Variants in LTN1 observed in about 807,000 individuals in gnomAD.
LTN1 encodes the protein listerin E3 ubiquitin protein ligase 1.
Under a neutral mutation model 201.2 loss-of-function variants are expected in LTN1, and 88 were observed. That is an observed-to-expected ratio of 0.44 (90% CI 0.37 to 0.52). The LOEUF (loss-of-function observed/expected upper bound fraction) is 0.52. Ranked by LOEUF, LTN1 falls within the 20% of genes least tolerant of loss-of-function variation. The pLI, the probability that LTN1 is intolerant of heterozygous loss-of-function variation, is 0.00. For synonymous variants in LTN1, 645 were observed against 713.5 expected, an observed-to-expected ratio of 0.90 and a Z score of 1.53; for missense variants, 1,752 against 2,038.7, an observed-to-expected ratio of 0.86 and a Z score of 2.71.
At chr21:28,939,886 C>A (rs2084284007) in intron 25 of LTN1, among the ~76,000 whole-genome samples, 1 of 152,020 alleles carries the variant, frequency 6.6e-6, no homozygotes, top group African/African-American at 2.4e-5. Flanking sequence ...AAGTGACAGG[C>A]CTAAAGAGAA....
chr21:28,958,496 T>G lies in LTN1; in HGVS notation c.2637A>C (p.Val879=), dbSNP rs750400781. ...TGTCAGTTTGATGAACCAATAAATT[T>G]ACACCAGAGAGCCAAGTATTTTTCA... ...CKLKNTWLSG[V]NLLVHQTDSS... is the part of the protein sequence containing the mutation. Residue 879 remains valine (V), a synonymous_variant, in exon 14 of 30, where the codon GTA becomes GTC. Transcript: ENST00000361371. 1.2e-6 allele frequency: 2 copies of G among 1,610,714 alleles called. No homozygotes were observed. The highest frequency in any genetic ancestry group is 3.4e-5 in the Admixed American group (2 of 59,402).
chr21:28,976,996 C>T (rs1213361320), intron 6 of LTN1, among the ~76,000 whole-genome samples: 1 of 152,188 alleles, frequency 6.6e-6, no homozygotes, highest in Non-Finnish European at 1.5e-5. Flanking sequence ...CTCAAGTCAT[C>T]CTCCCACCTT....
chr21:28,957,758 C>T (rs1007170695), intron 14 of LTN1, among the ~76,000 whole-genome samples: 1 of 152,024 alleles, frequency 6.6e-6, no homozygotes, highest in African/African-American at 2.4e-5. Context: ...AATACAGCTA[C>T]CTTATGAAAT....
At chr21:28,990,050 T>C (rs1350117187) in intron 1 of LTN1, among the ~76,000 whole-genome samples, 1 of 152,158 alleles carries the variant, frequency 6.6e-6, no homozygotes, top group East Asian at 1.9e-4. Context: ...TTTCTCTACC[T>C]GAAAACGCTT....
chr21:28,986,928 T>C lies in LTN1; in HGVS notation c.49A>G (p.Asn17Asp), dbSNP rs1232888917. 1 of 1,613,116 alleles carries C rather than the reference T, an allele frequency of 6.2e-7. No homozygotes were observed. The highest frequency in any genetic ancestry group is 2.2e-5 in the East Asian group (1 of 44,876). ...QRTKGNLRPS[N>D]SGRAAELLAK... ...AGGAGTTCTGCAGCTCGGCCACTGT[T>C]TGAAGGCTGATAAGAAAATTACGGA... The change falls in exon 2 of 30, where the codon AAC becomes GAC. Residue 17 changes from asparagine to aspartate, a missense_variant. By Grantham distance (23) the Asn-to-Asp change is conservative. Coordinates refer to ENST00000361371, the MANE Select transcript of LTN1 (RefSeq NM_015565.3). This position sits in a 1 kb window ranked among gnomAD's most constrained non-coding sequence, Gnocchi z 4.1.
intron 18 of LTN1, among the ~76,000 whole-genome samples, chr21:28,951,355 T>C (rs867866638): frequency 6.6e-6 from 1 of 152,236 alleles, no homozygotes; most frequent in Non-Finnish European, 1.5e-5. Flanking sequence ...CAGCTAAGTA[T>C]TAATTTGAAT....
Position 28,932,624 on chromosome 21 carries a change from T to G in LTN1, c.4916A>C (p.Tyr1639Ser), listed in dbSNP as rs1422038339. 1.9e-6 allele frequency: 3 copies of G among 1,613,276 alleles called. No homozygotes were observed. The highest frequency in any genetic ancestry group is 2.5e-6 in the Non-Finnish European group (3 of 1,179,572). The change falls in exon 28 of 30, where the codon TAT (tyrosine) becomes TCT (serine). Residue 1639 changes from tyrosine (Y) to serine (S), a missense_variant. Coordinates refer to ENST00000361371, the MANE Select transcript of LTN1 (RefSeq NM_015565.3). ...TTCAATAACTATGTCCTCAATAGTA[T>G]AAGTAGCCATTACCTCTCGAGTAGT... Reference protein sequence around the residue: ...RATTREVMATYTIEDIVIELI... With the variant: ...RATTREVMATSTIEDIVIELI...
chr21:28,949,417 TA>T (rs2084365906), intron 18 of LTN1, among the ~76,000 whole-genome samples: 1 of 152,204 alleles, frequency 6.6e-6, no homozygotes, highest in African/African-American at 2.4e-5. Flanking sequence ...TCTGCAGTGT[TA>T]AGTACATTCA....
chr21:28,991,290 C>CA (rs11326324), intron 1 of LTN1, among the ~76,000 whole-genome samples: 100 of 137,554 alleles, frequency 7.3e-4, no homozygotes, highest in Non-Finnish European at 1.1e-3. Flanking sequence ...CCCTGTCTTA[C>CA]AAAAAAAAAA....
intron 25 of LTN1, among the ~76,000 whole-genome samples, chr21:28,937,357 A>T (rs906787104): frequency 2.0e-5 from 3 of 152,196 alleles, no homozygotes; most frequent in African/African-American, 7.2e-5. Flanking sequence ...CTCACAGTAC[A>T]AAGATATCAT....
In LTN1 at chr21:28,967,139, A is replaced by C. The variant is rs1382250462; in HGVS notation, c.1352T>G (p.Leu451Trp). Residue 451 changes from leucine (L) to tryptophan (W), a missense_variant, in exon 10 of 30, where the codon TTG becomes TGG. Transcript: ENST00000361371. Reference sequence around the variant, plus strand: ...ATGGTTAAATAGCTGCCCATGTTGCAATCCTGGGTCTTTGAGAACTGCATC... The same window carrying C: ...ATGGTTAAATAGCTGCCCATGTTGCCATCCTGGGTCTTTGAGAACTGCATC... The part of the protein sequence containing the change: ...FIDAVLKDPG[L>W]QHGQLFNHLA... 1 of 1,613,608 alleles carries C rather than the reference A, an allele frequency of 6.2e-7. No individual in the cohort carries two copies. Among genetic ancestry groups the C allele is most frequent in the Non-Finnish European group, 8.5e-7 (1 of 1,179,906 alleles).
intron 6 of LTN1, among the ~76,000 whole-genome samples, chr21:28,975,097 T>C (rs1052592549): frequency 6.6e-5 from 10 of 152,248 alleles, no homozygotes; most frequent in African/African-American, 2.4e-4. Flanking sequence ...GCCACAAAAA[T>C]GTGGTCTCAT....
At chr21:28,933,005 A>G (rs1193229251) in intron 27 of LTN1, among the ~76,000 whole-genome samples, 1 of 152,154 alleles carries the variant, frequency 6.6e-6, no homozygotes, top group African/African-American at 2.4e-5. Flanking sequence ...AGAGTATCGA[A>G]TGTCACTTCT....
At chr21:28,969,396 C>T in intron 9 of LTN1, 70 bp downstream of exon 9, 1 of 1,327,280 alleles carries the variant, frequency 7.5e-7, no homozygotes, top group Non-Finnish European at 1.0e-6. Flanking sequence ...TAAATGGCAA[C>T]AAGACACAAT....
chr21:28,939,548 T>C (rs1052490255), intron 25 of LTN1, among the ~76,000 whole-genome samples: 3 of 152,214 alleles, frequency 2.0e-5, no homozygotes, highest in African/African-American at 7.2e-5. Context: ...AAATTCTGTT[T>C]ATTTCAGGAT....
chr21:28,966,234 C>T (rs2084521172), intron 10 of LTN1, 136 bp downstream of exon 10: 3 of 752,378 alleles, frequency 4.0e-6, no homozygotes, highest in Admixed American at 5.9e-5. Context: ...CTAGATACTT[C>T]CCAAATCATG....
chr21:28,931,515 T>C (rs1449839386), intron 28 of LTN1, among the ~76,000 whole-genome samples, 193 bp from the exon 29 acceptor site: 1 of 152,230 alleles, frequency 6.6e-6, no homozygotes, highest in Admixed American at 6.5e-5. Context: ...GATGTAATTT[T>C]TCTCCATTAA....
intron 6 of LTN1, among the ~76,000 whole-genome samples, chr21:28,979,357 T>C (rs1405840135): frequency 6.6e-6 from 1 of 152,178 alleles, no homozygotes; most frequent in Non-Finnish European, 1.5e-5. Context: ...CATTGCTGCA[T>C]TACTTGTGAA....
At chr21:28,938,976 T>C (rs1025977027) in intron 25 of LTN1, among the ~76,000 whole-genome samples, 22 of 152,246 alleles carry the variant, frequency 1.4e-4, no homozygotes, top group African/African-American at 5.3e-4. Context: ...AATTATATAG[T>C]GGTTAACAGT....
Sources: allele counts gnomAD v4.1 joint callset (sites outside exome capture counted in the v4.1 genomes callset), GRCh38; gene constraint gnomAD v4.1.1; non-coding constraint Gnocchi (gnomAD v3.1); transcripts MANE v1.5; gene names NCBI Gene and HGNC (gene_info 2026-07-23, HGNC 2026-07-21).